Variants in ACAA1 observed in about 807,000 individuals in gnomAD.
ACAA1 encodes the protein 3-ketoacyl-CoA thiolase, peroxisomal.
A neutral mutation model predicts 48.8 loss-of-function variants in ACAA1; 44 were observed. The observed-to-expected ratio is 0.90, with a 90% CI of 0.71 to 1.16. ACAA1 has a LOEUF of 1.16. Ranked by LOEUF, ACAA1 falls within the 50% of genes most tolerant of loss-of-function variation. The pLI is 0.00. For missense variants in ACAA1, 512 were observed against 562.3 expected (o/e 0.91, Z 0.90); for synonymous variants, 233 against 226.5 (o/e 1.03, Z -0.26).
chr3:38,133,707 T>C (rs1396694760), intron 3 of ACAA1: 2 of 551,670 alleles, frequency 3.6e-6, no homozygotes, highest in Non-Finnish European at 3.3e-6. Flanking sequence ...AATGACAACC[T>C]GGCTTTGGCT....
rs1236292748 is a variant in ACAA1, at chr3:38,133,137, CTG to C, written c.323+813_323+814del. On this transcript the variant is annotated intron_variant, in intron 3 of 11. Coordinates refer to ENST00000333167, the MANE Select transcript of ACAA1 (RefSeq NM_001607.4). ...GATAACTCATGCCAAAATGGTGAGACTGTGTTTAGGCAGGGTTTGTCTTTCTG... is the reference window on the plus strand; with the variant it reads ...GATAACTCATGCCAAAATGGTGAGACTGTTTAGGCAGGGTTTGTCTTTCTG... Among the ~76,000 whole-genome samples, 13 of 152,250 alleles carry C rather than the reference CTG, an allele frequency of 8.5e-5. No homozygotes were observed. The South Asian group carries it at 2.7e-3, about 32-fold the overall frequency.
rs1308918469 is a variant in ACAA1 at position 38,131,982 on chromosome 3, A to G, written c.347T>C (p.Leu116Ser). 2.5e-6 allele frequency: 4 copies of G among 1,613,896 alleles called. No homozygotes were observed. The highest frequency in any genetic ancestry group is 2.5e-6 in the Non-Finnish European group (3 of 1,179,804). Residue 116 changes from leucine to serine, a missense_variant, in exon 4 of 12, where the codon TTG (leucine) becomes TCG (serine). Leu to Ser is a moderately radical substitution (Grantham distance 145). Coordinates refer to ENST00000333167, the MANE Select transcript of ACAA1 (RefSeq NM_001607.4). ...FLSDIPETVP[L>S]STVNRQCSSG... ...CGAACACTGTCTATTGACAGTGGAC[A>G]AAGGCACAGTCTCCGGGATGTCACT...
chr3:38,123,370 G>A, intron 11 of ACAA1: 1 of 498,930 alleles, frequency 2.0e-6, no homozygotes, highest in Non-Finnish European at 3.6e-6. Flanking sequence ...TAAGTTCAGG[G>A]TGTTTCTGTG....
At chr3:38,135,267 G>T (rs1700867552) in intron 2 of ACAA1, 1 of 152,192 alleles carries the variant, frequency 6.6e-6, no homozygotes, top group African/African-American at 2.4e-5. Flanking sequence ...ACACCTGTGG[G>T]TATTTCTCGC....
chr3:38,125,682 A>G lies in ACAA1; in HGVS notation c.1082T>C (p.Leu361Pro). 1 of 1,598,392 alleles carries G rather than the reference A, an allele frequency of 6.3e-7. No individual in the cohort carries two copies. Among genetic ancestry groups the G allele is most frequent in the Non-Finnish European group, 8.5e-7 (1 of 1,170,966 alleles). The change falls in exon 11 of 12, where the codon CTC (leucine) becomes CCC (proline). Residue 361 changes from leucine (L) to proline (P), a missense_variant. Leu to Pro is a moderately conservative substitution (Grantham distance 98). Coordinates refer to ENST00000333167, the MANE Select transcript of ACAA1 (RefSeq NM_001607.4). ...QAAYCVEKLR[L>P]PPEKVNPLGG... is the part of the protein sequence containing the mutation. ...CAGGGGGTTCACCTTCTCAGGGGGG[A>G]GTCGTAGCTTCTCCACACAGTAGGC...
rs1367226038 is a variant in ACAA1 at position 38,129,794 on chromosome 3, G to C, written c.447-406C>G. On this transcript the variant is annotated intron_variant, in intron 5 of 11. Coordinates refer to ENST00000333167, the MANE Select transcript of ACAA1 (RefSeq NM_001607.4). The surrounding 1 kb of genome is among the most constrained non-coding windows in gnomAD (Gnocchi z 5.3). ...AAGAGACAATTTGAAAGTAACCACA[G>C]GCCGGCTGTGGTGGCTCACGCCTGT... is the stretch of plus-strand genomic sequence containing the variant. Among the ~76,000 whole-genome samples the C allele has an allele frequency of 6.6e-6, 1 of 152,216 alleles. No homozygotes were observed. Among genetic ancestry groups the C allele is most frequent in the Non-Finnish European group, 1.5e-5 (1 of 68,038 alleles).
At chr3:38,123,270 G>GGC in intron 11 of ACAA1, 148 bp from the exon 12 acceptor site, 1 of 698,916 alleles carries the variant, frequency 1.4e-6, no homozygotes, top group Non-Finnish European at 2.5e-6. Flanking sequence ...CTCCCACTTG[G>GGC]GCACACACAC....
At chr3:38,133,913 C>T (rs1700837534) in intron 3 of ACAA1, 39 bp downstream of exon 3, 1 of 1,612,118 alleles carries the variant, frequency 6.2e-7, no homozygotes, top group African/African-American at 1.3e-5. Context: ...AGTAAAGTGT[C>T]AAAATGGCCA....
intron 2 of ACAA1, 104 bp downstream of exon 2, chr3:38,136,488 A>C: frequency 7.9e-7 from 1 of 1,267,538 alleles, no homozygotes; most frequent in Non-Finnish European, 1.1e-6. Context: ...GGTCAAGGCC[A>C]TGGAGGTTCC....
chr3:38,127,386 G>C (rs1024880496), intron 7 of ACAA1, among the ~76,000 whole-genome samples: 5 of 152,112 alleles, frequency 3.3e-5, no homozygotes, highest in African/African-American at 4.8e-5. Flanking sequence ...CTGAGCCCCT[G>C]GGGTTTCTCT....
At chr3:38,135,931 A>G (rs1461055079) in intron 2 of ACAA1, among the ~76,000 whole-genome samples, 3 of 152,096 alleles carry the variant, frequency 2.0e-5, no homozygotes, top group Non-Finnish European at 4.4e-5. Context: ...CATATCTCAG[A>G]CAATCTCAGT....
chr3:38,123,478 T>G (rs1322456179), intron 11 of ACAA1: 1 of 189,462 alleles, frequency 5.3e-6, no homozygotes, highest in African/African-American at 2.3e-5. Context: ...ACAAAATCCC[T>G]AAAGTCTAAA....
At position 38,126,549 on chromosome 3, in the gene ACAA1, G is replaced by A; in HGVS notation, c.778C>T (p.Leu260=). The A allele has an allele frequency of 6.2e-7, 1 of 1,614,212 alleles. No homozygotes were observed. Among genetic ancestry groups the A allele is most frequent in the African/African-American group, 1.3e-5 (1 of 75,046 alleles). ...PSTTMEGLAK[L]KPAFKKDGST... is the part of the protein sequence containing the mutation. ...CCATCTTTCTTGAAGGCAGGCTTCAGTTTGGCCAGGCCCTCCATGGTGGTG... is the reference window on the plus strand; with the variant it reads ...CCATCTTTCTTGAAGGCAGGCTTCAATTTGGCCAGGCCCTCCATGGTGGTG... Residue 260 remains leucine (L), a synonymous_variant, in exon 8 of 12, where the codon CTG becomes TTG. Transcript: ENST00000333167. The surrounding 1 kb of genome is among the most constrained non-coding windows in gnomAD (Gnocchi z 4.7).
chr3:38,127,323 C>T (rs1026492427), intron 7 of ACAA1, among the ~76,000 whole-genome samples: 4 of 152,158 alleles, frequency 2.6e-5, no homozygotes, highest in Non-Finnish European at 5.9e-5. Flanking sequence ...AGATACCACT[C>T]CCTGCTTTTG....
intron 4 of ACAA1, 127 bp downstream of exon 4, chr3:38,131,799 C>T (rs542309842): frequency 1.1e-4 from 135 of 1,183,642 alleles, no homozygotes; most frequent in East Asian, 2.6e-4. Flanking sequence ...TGGTAGGGGG[C>T]GCTCCTGCAC....
Position 38,136,645 on chromosome 3 carries a change from G to A in ACAA1, c.212C>T (p.Ala71Val). 1 of 1,613,882 alleles carries A rather than the reference G, an allele frequency of 6.2e-7. No homozygotes were observed. The highest frequency in any genetic ancestry group is 1.1e-5 in the South Asian group (1 of 91,056). ...PDELLSAVMT[A>V]VLKDVNLRPE... ...CCTCAGATTCACGTCCTTGAGAACC[G>A]CGGTCATGACTGCCGAGAGAAGCTC... Residue 71 changes from alanine (A) to valine (V), a missense_variant, in exon 2 of 12, where the codon GCG (alanine) becomes GTG (valine). Coordinates refer to ENST00000333167, the MANE Select transcript of ACAA1 (RefSeq NM_001607.4).
rs1234324570 is a variant in ACAA1 at position 38,136,846 on chromosome 3, C to T, written c.171+19G>A. 1 of 1,510,034 alleles carries T rather than the reference C, an allele frequency of 6.6e-7. No homozygotes were observed. Among genetic ancestry groups the T allele is most frequent in the South Asian group, 1.3e-5 (1 of 79,840 alleles). 93.5% of individuals were successfully genotyped at this position (1,510,034 alleles called of 1,614,324 possible). ...GCCGGCGTCTTCCCACACTCGGCGC[C>T]CAGACCCTCGGGCCTCACCTTGAAG... On this transcript the variant is annotated intron_variant, in intron 1 of 11. Coordinates refer to ENST00000333167, the MANE Select transcript of ACAA1 (RefSeq NM_001607.4).
chr3:38,126,182 G>A lies in ACAA1; in HGVS notation c.977C>T (p.Pro326Leu), dbSNP rs775866883. The part of the protein sequence containing the change: ...IMGIGPAYAI[P>L]VALQKAGLTV... ...CTTACCTGCTTTTTGCAAAGCTACT[G>A]GGATGGCATAGGCAGGTCCAATGCC... The change falls in exon 9 of 12, where the codon CCA becomes CTA. Residue 326 changes from proline to leucine, a missense_variant. By Grantham distance (98) the Pro-to-Leu change is moderately conservative (BLOSUM62 -3). Coordinates refer to ENST00000333167, the MANE Select transcript of ACAA1 (RefSeq NM_001607.4). This position sits in a 1 kb window ranked among gnomAD's most constrained non-coding sequence, Gnocchi z 4.7. 2 of 1,613,904 alleles carry A rather than the reference G, an allele frequency of 1.2e-6. No individual in the cohort carries two copies. Among genetic ancestry groups the A allele is most frequent in the East Asian group, 4.5e-5 (2 of 44,886 alleles).
At chr3:38,125,995 C>T in intron 9 of ACAA1, 114 bp from the exon 10 acceptor site, 1 of 1,527,198 alleles carries the variant, frequency 6.5e-7, no homozygotes. Context: ...GAAGGGTGAG[C>T]CAATCCCAGC....
Sources: allele counts gnomAD v4.1 joint callset (sites outside exome capture counted in the v4.1 genomes callset), GRCh38; gene constraint gnomAD v4.1.1; non-coding constraint Gnocchi (gnomAD v3.1); transcripts MANE v1.5; gene names NCBI Gene and HGNC (gene_info 2026-07-23, HGNC 2026-07-21).